The following ME3 variants were observed in gnomAD, a reference collection of about 807,000 sequenced individuals.
The protein encoded by ME3 is malic enzyme 3.
A neutral mutation model predicts 68.9 loss-of-function variants in ME3; 48 were observed. The ratio of observed to expected loss-of-function variants is 0.70; its 90% CI spans 0.55 to 0.89. ME3 has a LOEUF of 0.89. Among genes scored for constraint, ME3 ranks in the 40% least tolerant of loss-of-function variants. The pLI, the probability that ME3 is intolerant of heterozygous loss-of-function variation, is 0.00. For synonymous variants in ME3, 320 were observed against 318.8 expected (o/e 1.00, Z -0.04); for missense variants, 675 against 797.4 (o/e 0.85, Z 1.85).
intron 2 of ME3, among the ~76,000 whole-genome samples, chr11:86,645,910 G>A (rs548790016): frequency 1.3e-4 from 20 of 152,308 alleles, no homozygotes; most frequent in Admixed American, 8.5e-4. Context: ...CAGGCAAACA[G>A]GGTCTGGAGT....
chr11:86,565,930 G>T (rs772071931), intron 2 of ME3, among the ~76,000 whole-genome samples: 2 of 152,230 alleles, frequency 1.3e-5, no homozygotes, highest in Admixed American at 6.5e-5. Flanking sequence ...GTTCTCATAA[G>T]AGACACTGTG....
exon 6 of ME3, chr11:86,498,086 C>T: frequency 6.2e-7 from 1 of 1,613,556 alleles, no homozygotes; most frequent in Non-Finnish European, 8.5e-7. Context: ...CCAGGTCTCC[C>T]AGGCCCAGGA....
downstream of ME3, among the ~76,000 whole-genome samples, chr11:86,438,617 G>T (rs1420859285): frequency 6.6e-6 from 1 of 152,090 alleles, no homozygotes; most frequent in African/African-American, 2.4e-5. Flanking sequence ...TTGGGGGAAA[G>T]ATTTTTTAAT....
chr11:86,532,924 C>T (rs370165998), intron 4 of ME3, among the ~76,000 whole-genome samples: 5 of 151,988 alleles, frequency 3.3e-5, no homozygotes, highest in African/African-American at 7.2e-5. Flanking sequence ...ATGTTTCAGG[C>T]GACTGTAATC....
intron 2 of ME3, among the ~76,000 whole-genome samples, chr11:86,590,202 C>G (rs1444841376): frequency 2.6e-5 from 4 of 152,146 alleles, no homozygotes; most frequent in African/African-American, 7.2e-5. Context: ...CGTGGCCATG[C>G]AGAGACTTCC....
chr11:86,565,183 A>C (rs1212060928), intron 2 of ME3, among the ~76,000 whole-genome samples: 1 of 152,140 alleles, frequency 6.6e-6, no homozygotes, highest in Non-Finnish European at 1.5e-5. Context: ...GCTGAAATTA[A>C]AACACACACG....
chr11:86,435,612 G>A, the ME3 span: 2 of 152,234 alleles, frequency 1.3e-5, no homozygotes, highest in Admixed American at 6.5e-5. Flanking sequence ...TTTCTTCTAC[G>A]TGTTATAAGT....
At chr11:86,467,663 TC>T (rs1950553147) in intron 7 of ME3, among the ~76,000 whole-genome samples, 2 of 36,328 alleles carry the variant, frequency 5.5e-5, no homozygotes, top group Non-Finnish European at 1.3e-4. Flanking sequence ...TCTCTCTGTT[TC>T]TCTCTCTCTC....
chr11:86,656,230 C>T (rs1048962885), intron 2 of ME3, among the ~76,000 whole-genome samples: 2 of 151,628 alleles, frequency 1.3e-5, no homozygotes, highest in Non-Finnish European at 2.9e-5. Flanking sequence ...ACCATTTGAC[C>T]CAGCCATCCC....
chr11:86,442,081 T>C (rs1217679837), intron 14 of ME3, among the ~76,000 whole-genome samples: 2 of 152,210 alleles, frequency 1.3e-5, no homozygotes, highest in African/African-American at 4.8e-5. Flanking sequence ...ATAGAAAATG[T>C]AAAACATGCA....
intron 12 of ME3, 176 bp downstream of exon 12, chr11:86,446,889 G>T: frequency 1.1e-6 from 1 of 870,236 alleles, no homozygotes; most frequent in Non-Finnish European, 1.7e-6. Context: ...TCAGACCTGG[G>T]TTTGACAGCC....
intron 4 of ME3, among the ~76,000 whole-genome samples, chr11:86,509,336 C>T (rs867670911): frequency 6.6e-6 from 1 of 152,080 alleles, no homozygotes; most frequent in Non-Finnish European, 1.5e-5. Context: ...GAGGTTCTTG[C>T]AGTGGGGGAT....
intron 2 of ME3, among the ~76,000 whole-genome samples, chr11:86,651,788 A>G (rs1180390533): frequency 6.6e-6 from 1 of 152,206 alleles, no homozygotes; most frequent in African/African-American, 2.4e-5. Flanking sequence ...CAGATGATCA[A>G]ATGACTCCGA....
chr11:86,445,484 A>T (rs980339679), intron 13 of ME3, among the ~76,000 whole-genome samples: 1 of 152,228 alleles, frequency 6.6e-6, no homozygotes, highest in South Asian at 2.1e-4. Flanking sequence ...ATGCAGAAGG[A>T]TGTTAGAAGT....
chr11:86,536,970 G>A (rs1416508623), intron 4 of ME3, among the ~76,000 whole-genome samples: 2 of 151,712 alleles, frequency 1.3e-5, no homozygotes, highest in African/African-American at 4.8e-5. Context: ...AAAATGATGA[G>A]TTCATGTCCT....
chr11:86,476,067 A>G (rs1362029154), intron 7 of ME3, among the ~76,000 whole-genome samples: 1 of 152,126 alleles, frequency 6.6e-6, no homozygotes, highest in African/African-American at 2.4e-5. Context: ...TCTGGATGCT[A>G]TATGCCTAGG....
At chr11:86,661,870 TTG>T (rs1946305789) in intron 2 of ME3, among the ~76,000 whole-genome samples, 1 of 148,466 alleles carries the variant, frequency 6.7e-6, no homozygotes, top group Non-Finnish European at 1.5e-5. Context: ...TTGTATTGTA[TTG>T]TATTGTATTG....
At chr11:86,553,759 A>C (rs780188125) in intron 4 of ME3, among the ~76,000 whole-genome samples, 5 of 152,294 alleles carry the variant, frequency 3.3e-5, no homozygotes, top group African/African-American at 9.6e-5. Flanking sequence ...AATTCCTCCC[A>C]GGAGAGCTCT....
intron 2 of ME3, among the ~76,000 whole-genome samples, chr11:86,657,480 G>A (rs1000249222): frequency 2.6e-5 from 4 of 151,360 alleles, no homozygotes; most frequent in Admixed American, 6.6e-5. Context: ...GGGGGTGTGG[G>A]GCAAGGGGAG....
Sources: gnomAD v4.1 joint callset for allele counts (sites outside exome capture counted in the v4.1 genomes callset) on GRCh38, gnomAD v4.1.1 for gene constraint, MANE v1.5 for transcripts, NCBI Gene and HGNC (gene_info 2026-07-23, HGNC 2026-07-21) for gene names.